UBR2: variants seen among roughly 807,000 people sequenced by gnomAD.
UBR2 encodes the protein ubiquitin protein ligase E3 component n-recognin 2, also known as E3 ubiquitin-protein ligase UBR2.
UBR2 carries 92 observed loss-of-function variants against 247.9 expected under a neutral mutation model. The ratio of observed to expected loss-of-function variants is 0.37; its 90% confidence interval spans 0.31 to 0.44. The LOEUF (loss-of-function observed/expected upper bound fraction) is 0.44, where lower values mean the gene tolerates loss of function less well. UBR2 is among the 20% of genes least tolerant of loss of function. The pLI is 1.00. For missense variants in UBR2, 1,613 were observed against 2,112.6 expected, an observed-to-expected ratio of 0.76 and a Z score of 4.64; for synonymous variants, 672 against 693.5, an observed-to-expected ratio of 0.97 and a Z score of 0.49.
rs557869957 is a variant in UBR2, at chr6:42,602,502, G to A, written c.532-1086G>A. On this transcript the variant is annotated intron_variant, in intron 4 of 46. Transcript: ENST00000372901. ...CAGGCATGAGCCACTGCACCCGGCC[G>A]CCCATTCTTTTATTCCACCTTCTCC... Among the ~76,000 whole-genome samples the A allele has an allele frequency of 9.1e-4, 138 of 151,680 alleles. 1 individual carries two copies. The highest frequency in any genetic ancestry group is 3.0e-3 in the African/African-American group (126 of 41,436).
intron 5 of UBR2, among the ~76,000 whole-genome samples, chr6:42,604,886 G>A (rs915969352): frequency 3.9e-4 from 59 of 152,110 alleles, no homozygotes; most frequent in African/African-American, 1.4e-3. Context: ...AATTAGCTGG[G>A]CAGGGTAGTG....
chr6:42,570,003 A>G (rs1791013492), intron 1 of UBR2, among the ~76,000 whole-genome samples: 3 of 152,232 alleles, frequency 2.0e-5, no homozygotes, highest in Admixed American at 1.3e-4. Context: ...AGGCCAACCA[A>G]ACTGGAAATC....
intron 2 of UBR2, among the ~76,000 whole-genome samples, chr6:42,576,051 C>T (rs1459747077): frequency 2.0e-5 from 3 of 151,646 alleles, no homozygotes; most frequent in Non-Finnish European, 2.9e-5. Context: ...TCTTTTCTTC[C>T]TGGTACAACA....
chr6:42,605,895 T>C, intron 6 of UBR2, 36 bp downstream of exon 6: 1 of 1,565,840 alleles, frequency 6.4e-7, no homozygotes, highest in Non-Finnish European at 8.7e-7. Context: ...TAAATTGAAT[T>C]TTTACTATAG....
chr6:42,569,533 G>A (rs1172886291), intron 1 of UBR2, among the ~76,000 whole-genome samples: 1 of 151,938 alleles, frequency 6.6e-6, no homozygotes. Flanking sequence ...AATTTGTAGA[G>A]CTCTTAATAT....
chr6:42,644,518 C>T lies in UBR2; in HGVS notation c.2266C>T (p.Leu756Phe). The T allele has an allele frequency of 6.2e-7, 1 of 1,610,460 alleles. No homozygotes were observed. The change falls in exon 20 of 47, where the codon CTC (leucine) becomes TTC (phenylalanine). Residue 756 changes from leucine to phenylalanine, a missense_variant. This residue lies in a region of UBR2 where 1,524 missense variants were observed against 1,967.3 expected (regional missense o/e 0.77). Transcript: ENST00000372901. ...TACTCTAATAGAAGAAATGCTATAC[C>T]TCATTATAATGCTTGTTGGTAAGTT... is the stretch of plus-strand genomic sequence containing the variant. ...NNTLIEEMLYLIIMLVGERFS... is the reference protein window; with the variant it reads ...NNTLIEEMLYFIIMLVGERFS...
chr6:42,609,357 A>G (rs1038544166), intron 7 of UBR2, among the ~76,000 whole-genome samples: 13 of 152,144 alleles, frequency 8.5e-5, no homozygotes, highest in African/African-American at 3.1e-4. Context: ...ACACCACAGA[A>G]TATTATGCAG....
At position 42,691,899 on chromosome 6, in the gene UBR2, G is replaced by A. The variant is rs1422480608; in HGVS notation, c.*726G>A. The A allele has an allele frequency of 6.6e-6, 1 of 151,516 alleles. No homozygotes were observed. The highest frequency in any genetic ancestry group is 2.4e-5 in the African/African-American group (1 of 41,216). The allele number at this position is 151,516 out of a possible 1,614,324, so 9.4% of individuals were successfully genotyped here. ...AAATTAGGATATTCTTTTAGAATTAGGAAGAAAAATTAGGATATTCTAAAA... is the reference window on the plus strand; with the variant it reads ...AAATTAGGATATTCTTTTAGAATTAAGAAGAAAAATTAGGATATTCTAAAA... On this transcript the variant is annotated 3_prime_UTR_variant, in exon 47 of 47. Coordinates refer to ENST00000372901, the MANE Select transcript of UBR2 (RefSeq NM_001363705.2).
intron 1 of UBR2, among the ~76,000 whole-genome samples, chr6:42,566,112 G>T (rs915286356): frequency 1.3e-5 from 2 of 151,800 alleles, no homozygotes; most frequent in East Asian, 1.9e-4. Context: ...ACTGAATTTT[G>T]TGTCTTGGTC....
chr6:42,634,960 A>G (rs569515472), intron 13 of UBR2, among the ~76,000 whole-genome samples: 1 of 152,312 alleles, frequency 6.6e-6, no homozygotes, highest in African/African-American at 2.4e-5. Flanking sequence ...ATTAAAAGCT[A>G]TTTATTGTTT....
rs76487874 is a variant in UBR2 at position 42,635,412 on chromosome 6, G to A, written c.1546-6G>A. On this transcript the variant is annotated splice_polypyrimidine_tract_variant and splice_region_variant and intron_variant, in intron 13 of 46. Transcript: ENST00000372901. Reference sequence around the variant, plus strand: ...ATTCATATATAATTTTTTCACTTCCGTTAAGGGAATGGATCCAATTACACG... The same window carrying A: ...ATTCATATATAATTTTTTCACTTCCATTAAGGGAATGGATCCAATTACACG... 46 of 1,611,660 alleles carry A rather than the reference G, an allele frequency of 2.9e-5. 1 individual carries two copies. In the African/African-American group the frequency reaches 3.2e-4, roughly 11 times the overall value.
At chr6:42,616,473 T>C in intron 10 of UBR2, among the ~76,000 whole-genome samples, 1 of 152,030 alleles carries the variant, frequency 6.6e-6, no homozygotes, top group Non-Finnish European at 1.5e-5. Context: ...AAAATTAGCA[T>C]TGCAGTCTTA....
At chr6:42,582,735 A>G (rs1791992102) in intron 2 of UBR2, among the ~76,000 whole-genome samples, 1 of 152,166 alleles carries the variant, frequency 6.6e-6, no homozygotes, top group Non-Finnish European at 1.5e-5. Context: ...TTAAAATAAT[A>G]ACCTCATTTA....
chr6:42,665,600 A>C, intron 33 of UBR2, 88 bp downstream of exon 33: 1 of 1,031,564 alleles, frequency 9.7e-7, no homozygotes, highest in Non-Finnish European at 1.4e-6. Flanking sequence ...TAAAAGTGAA[A>C]CCTCCCATTT....
At chr6:42,615,641 C>A (rs1289454400) in intron 9 of UBR2, among the ~76,000 whole-genome samples, 1 of 151,698 alleles carries the variant, frequency 6.6e-6, no homozygotes, top group Non-Finnish European at 1.5e-5. Flanking sequence ...ACTTAAAATA[C>A]AAGCCAGTCT....
chr6:42,677,416 C>A (rs1357831299), intron 40 of UBR2, among the ~76,000 whole-genome samples: 1 of 152,102 alleles, frequency 6.6e-6, no homozygotes, highest in African/African-American at 2.4e-5. Flanking sequence ...TTTTGACTAT[C>A]CCATTTCTGA....
intron 4 of UBR2, among the ~76,000 whole-genome samples, chr6:42,595,774 T>G (rs1792930276): frequency 6.6e-6 from 1 of 151,172 alleles, no homozygotes; most frequent in Non-Finnish European, 1.5e-5. Flanking sequence ...GTCTCAAATA[T>G]ATTTTATCAG....
At chr6:42,666,546 T>TA (rs1013659055) in intron 34 of UBR2, among the ~76,000 whole-genome samples, 1 of 152,012 alleles carries the variant, frequency 6.6e-6, no homozygotes, top group Non-Finnish European at 1.5e-5. Context: ...TGCAGTACAT[T>TA]AAAAAAATCT....
chr6:42,689,574 G>A lies in UBR2; in HGVS notation c.5030G>A (p.Arg1677Gln), dbSNP rs1306646038. Residue 1677 changes from arginine (R) to glutamine (Q), a missense_variant, in exon 46 of 47, where the codon CGG becomes CAG. This residue lies in a region of UBR2 where 80 missense variants were observed against 108.6 expected (regional missense o/e 0.74). Coordinates refer to ENST00000372901, the MANE Select transcript of UBR2 (RefSeq NM_001363705.2). The surrounding 1 kb of genome is among the most constrained non-coding windows in gnomAD (Gnocchi z 4.0). The part of the protein sequence containing the change: ...GSGVGIFLRV[R>Q]ECQVLFLAGK... ...TATGACTGATCTCTCTACAGAGTAC[G>A]GGAATGTCAGGTGCTATTTTTAGCT... 13 of 1,613,730 alleles carry A rather than the reference G, an allele frequency of 8.1e-6. No individual in the cohort carries two copies. The highest frequency in any genetic ancestry group is 1.3e-5 in the African/African-American group (1 of 74,900).
Sources: gnomAD v4.1 joint callset for allele counts (sites outside exome capture counted in the v4.1 genomes callset) on GRCh38, gnomAD v4.1.1 for gene constraint, gnomAD v4.1.1 regional missense constraint, Gnocchi (gnomAD v3.1) non-coding constraint, MANE v1.5 for transcripts, NCBI Gene and HGNC (gene_info 2026-07-23, HGNC 2026-07-21) for gene names.